LMO2: variants seen among roughly 807,000 people sequenced by gnomAD.
The protein encoded by LMO2 is LIM domain only 2, also known as rhombotin-2.
In LMO2, 20 loss-of-function variants were observed where a neutral mutation model predicts 23.2. The observed-to-expected ratio is 0.86, with a 90% CI of 0.61 to 1.25. LMO2 has a LOEUF of 1.25. Among genes scored for constraint, LMO2 ranks in the 50% most tolerant of loss-of-function variants. The pLI is 0.00. For synonymous variants in LMO2, 123 were observed against 130.2 expected (o/e 0.94, Z 0.38); for missense variants, 270 against 315.3 (o/e 0.86, Z 1.09).
intron 2 of LMO2, among the ~76,000 whole-genome samples, chr11:33,878,425 C>T (rs553453678): frequency 6.6e-6 from 1 of 152,322 alleles, no homozygotes; most frequent in East Asian, 1.9e-4. Context: ...CTTCAAGTCT[C>T]TGCTTTACAA....
intron 1 of LMO2, among the ~76,000 whole-genome samples, chr11:33,883,312 G>A (rs1390743852): frequency 6.6e-6 from 1 of 152,226 alleles, no homozygotes; most frequent in Non-Finnish European, 1.5e-5. Context: ...GAGAGAAGAT[G>A]AGAACACTGG....
chr11:33,871,663 T>TAA (rs1342721312), intron 2 of LMO2, among the ~76,000 whole-genome samples: 1 of 150,714 alleles, frequency 6.6e-6, no homozygotes, highest in African/African-American at 2.4e-5. Flanking sequence ...TAGGCAAGCC[T>TAA]AAACTATGTG....
In LMO2 at chr11:33,860,490, G is replaced by A. The variant is rs578035786; in HGVS notation, c.465-915C>T. Among the ~76,000 whole-genome samples, 3 of 152,236 alleles carry A rather than the reference G, an allele frequency of 2.0e-5. No individual in the cohort carries two copies. The South Asian group carries it at 6.2e-4, about 32-fold the overall frequency. On this transcript the variant is annotated intron_variant, in intron 5 of 5. Coordinates refer to ENST00000257818, the MANE Select transcript of LMO2 (RefSeq NM_005574.4). ...AGAAATACAAATTCTCAGGCTGGGC[G>A]CAGTGGCTCACACCTGTAATCCCAA...
At chr11:33,870,527 G>A in intron 2 of LMO2, 1 of 985,706 alleles carries the variant, frequency 1.0e-6, no homozygotes, top group South Asian at 4.7e-5. Context: ...CTCTGCAGAG[G>A]CGATGGTGGT....
At chr11:33,879,711 C>T (rs1050159298) in intron 2 of LMO2, among the ~76,000 whole-genome samples, 1 of 152,106 alleles carries the variant, frequency 6.6e-6, no homozygotes, top group South Asian at 2.1e-4. Flanking sequence ...ATCTCCATTT[C>T]TCCAAAAAAG....
At chr11:33,881,383 AAGG>A (rs1857279944) in intron 2 of LMO2, 1 of 456,600 alleles carries the variant, frequency 2.2e-6, no homozygotes, top group African/African-American at 2.0e-5. Context: ...CCAAATCTTG[AAGG>A]AGGTCTTGGC....
intron 1 of LMO2, among the ~76,000 whole-genome samples, chr11:33,886,570 TA>T (rs921519034): frequency 6.6e-6 from 1 of 152,202 alleles, no homozygotes; most frequent in South Asian, 2.1e-4. Flanking sequence ...TAGCCAGCTA[TA>T]AAAAACCTAA....
In LMO2 at chr11:33,887,052, AG is replaced by A. The variant is rs1857427396; in HGVS notation, c.-336+4742del. ...AGATATAGGAATGAAGGATCAGAGG[AG>A]CAATCCCACATGGGAATCCATGACT... On this transcript the variant is annotated intron_variant, in intron 1 of 5. Coordinates refer to ENST00000257818, the MANE Select transcript of LMO2 (RefSeq NM_005574.4). 2.6e-5 allele frequency among the ~76,000 whole-genome samples: 4 copies of A among 152,384 alleles called. No homozygotes were observed. In the South Asian group the frequency reaches 8.3e-4, roughly 32 times the overall value.
chr11:33,871,784 C>T (rs1191268127), intron 2 of LMO2, among the ~76,000 whole-genome samples: 6 of 152,114 alleles, frequency 3.9e-5, no homozygotes, highest in African/African-American at 1.4e-4. Flanking sequence ...GGTGGTTAAA[C>T]GCTGGAATTT....
chr11:33,873,760 G>T (rs976865374), intron 2 of LMO2, among the ~76,000 whole-genome samples: 1 of 151,890 alleles, frequency 6.6e-6, no homozygotes, highest in Non-Finnish European at 1.5e-5. Flanking sequence ...GAAGAAGAAT[G>T]AATCAATCTA....
rs1157854736 is a variant in LMO2 at position 33,864,725 on chromosome 11, G to A, written c.341C>T (p.Ala114Val). 8 of 1,613,912 alleles carry A rather than the reference G, an allele frequency of 5.0e-6. No homozygotes were observed. Among genetic ancestry groups the A allele is most frequent in the Non-Finnish European group, 6.8e-6 (8 of 1,180,020 alleles). ...GTCCTCGTGCCAGTACTGGTCGATGGCCTTCAGGAAGTAGCGGTCCCCAAT... is the reference window on the plus strand; with the variant it reads ...GTCCTCGTGCCAGTACTGGTCGATGACCTTCAGGAAGTAGCGGTCCCCAAT... Reference protein sequence around the residue: ...QNIGDRYFLKAIDQYWHEDCL... With the variant: ...QNIGDRYFLKVIDQYWHEDCL... The change falls in exon 5 of 6, where the codon GCC becomes GTC. Residue 114 changes from alanine to valine, a missense_variant. This residue lies in a region of LMO2 where 170 missense variants were observed against 162.0 expected (regional missense o/e 1.05). Transcript: ENST00000257818. The surrounding 1 kb of genome is among the most constrained non-coding windows in gnomAD (Gnocchi z 4.8).
rs533152592 is a variant in LMO2, at chr11:33,859,251, T to A, written c.*105A>T. ...GGTCTACCATCCCCTAAGAAATCCC[T>A]TACCCCACCCTCAAACCCCCAAAGT... On this transcript the variant is annotated 3_prime_UTR_variant, in exon 6 of 6. Coordinates refer to ENST00000257818, the MANE Select transcript of LMO2 (RefSeq NM_005574.4). 1.3e-6 allele frequency: 1 copy of A among 772,182 alleles called. No individual in the cohort carries two copies. Among genetic ancestry groups the A allele is most frequent in the South Asian group, 1.7e-5 (1 of 59,092 alleles). The allele number at this position is 772,182 out of a possible 1,614,324, so 47.8% of individuals were successfully genotyped here.
intron 2 of LMO2, among the ~76,000 whole-genome samples, chr11:33,872,817 A>G (rs931428559): frequency 6.6e-6 from 1 of 152,046 alleles, no homozygotes; most frequent in Non-Finnish European, 1.5e-5. Flanking sequence ...CTGGAGTGCA[A>G]TGGTGCGATC....
At chr11:33,875,128 C>T (rs1416715577) in intron 2 of LMO2, among the ~76,000 whole-genome samples, 2 of 152,226 alleles carry the variant, frequency 1.3e-5, no homozygotes, top group Admixed American at 1.3e-4. Flanking sequence ...TGCATTTGAG[C>T]TTCCACATCT....
rs754065722 is a variant in LMO2 at position 33,864,884 on chromosome 11, C to A, written c.249-67G>T. On this transcript the variant is annotated intron_variant, in intron 4 of 5. Coordinates refer to ENST00000257818, the MANE Select transcript of LMO2 (RefSeq NM_005574.4). The surrounding 1 kb of genome is among the most constrained non-coding windows in gnomAD (Gnocchi z 4.8). ...GAGACCAGCACCGAGGGTCCGAGAT[C>A]GTTTTGGGCCAGACAGGGCATCTCA... 1.4e-6 allele frequency: 2 copies of A among 1,454,508 alleles called. No homozygotes were observed. Among genetic ancestry groups the A allele is most frequent in the Non-Finnish European group, 9.6e-7 (1 of 1,045,030 alleles). 90.1% of individuals were successfully genotyped at this position (1,454,508 alleles called of 1,614,324 possible).
At position 33,881,905 on chromosome 11, in the gene LMO2, G is replaced by T. The variant is rs1020582879; in HGVS notation, c.-335-18C>A. On this transcript the variant is annotated intron_variant, in intron 1 of 5. Coordinates refer to ENST00000257818, the MANE Select transcript of LMO2 (RefSeq NM_005574.4). The stretch of plus-strand genomic sequence containing the variant: ...AGTTGTTACTGAAAGAAAATGAGAG[G>T]AACCCTCTGGTTTAGACAGCTAGAA... 6.4e-6 allele frequency: 1 copy of T among 156,070 alleles called. No homozygotes were observed. The highest frequency in any genetic ancestry group is 1.4e-5 in the Non-Finnish European group (1 of 70,648). 9.7% of individuals were successfully genotyped at this position (156,070 alleles called of 1,614,324 possible).
chr11:33,878,743 T>C (rs1857195816), intron 2 of LMO2, among the ~76,000 whole-genome samples: 1 of 152,220 alleles, frequency 6.6e-6, no homozygotes, highest in Non-Finnish European at 1.5e-5. Context: ...TCTGAGTTCT[T>C]ATAGCCCTTG....
At position 33,864,870 on chromosome 11, in the gene LMO2, C is replaced by G; in HGVS notation, c.249-53G>C. The G allele has an allele frequency of 6.5e-7, 1 of 1,540,084 alleles. No homozygotes were observed. Among genetic ancestry groups the G allele is most frequent in the Non-Finnish European group, 8.9e-7 (1 of 1,119,730 alleles). On this transcript the variant is annotated intron_variant, in intron 4 of 5. Coordinates refer to ENST00000257818, the MANE Select transcript of LMO2 (RefSeq NM_005574.4). This position sits in a 1 kb window ranked among gnomAD's most constrained non-coding sequence, Gnocchi z 4.8. Reference sequence around the variant, plus strand: ...AGCCTCACCAGAGTGAGACCAGCACCGAGGGTCCGAGATCGTTTTGGGCCA... The same window carrying G: ...AGCCTCACCAGAGTGAGACCAGCACGGAGGGTCCGAGATCGTTTTGGGCCA...
At position 33,880,853 on chromosome 11, in the gene LMO2, G is replaced by A. The variant is rs1857264629; in HGVS notation, c.-272+971C>T. 4.0e-6 allele frequency: 1 copy of A among 249,308 alleles called. No individual in the cohort carries two copies. The highest frequency in any genetic ancestry group is 8.0e-6 in the Non-Finnish European group (1 of 124,698). 15.4% of individuals were successfully genotyped at this position (249,308 alleles called of 1,614,324 possible). A position where few individuals can be genotyped will look rare whatever the true frequency, so the allele number is the denominator to read the frequency against. On this transcript the variant is annotated intron_variant, in intron 2 of 5. Transcript: ENST00000257818. The surrounding 1 kb of genome is among the most constrained non-coding windows in gnomAD (Gnocchi z 4.3). ...TGTTATGGGGAAGCCAGTCTCATGA[G>A]CTCCAACACATTCTTCAGTGCAATC...
Sources: gnomAD v4.1 joint callset for allele counts (sites outside exome capture counted in the v4.1 genomes callset) on GRCh38, gnomAD v4.1.1 for gene constraint, gnomAD v4.1.1 regional missense constraint, Gnocchi (gnomAD v3.1) non-coding constraint, MANE v1.5 for transcripts, NCBI Gene and HGNC (gene_info 2026-07-23, HGNC 2026-07-21) for gene names.